TEX52: variants seen among roughly 807,000 people sequenced by gnomAD.
TEX52 encodes the protein testis expressed 52.
TEX52 carries 22 observed loss-of-function variants against 17.6 expected under a neutral mutation model. That is an observed-to-expected ratio of 1.25 (90% CI 0.89 to 1.78). The LOEUF (loss-of-function observed/expected upper bound fraction) is 1.78. TEX52 is among the 40% of genes most tolerant of loss of function. The pLI is 0.00. For synonymous variants in TEX52, 168 were observed against 147.4 expected, an observed-to-expected ratio of 1.14 and a Z score of -1.01; for missense variants, 396 against 372.3, an observed-to-expected ratio of 1.06 and a Z score of -0.52.
intron 1 of TEX52, among the ~76,000 whole-genome samples, chr12:2,855,832 C>G (rs1360768752): frequency 1.3e-5 from 2 of 152,114 alleles, no homozygotes; most frequent in Non-Finnish European, 2.9e-5. Context: ...GGAAATGCTC[C>G]CTACCATGCC....
At chr12:2,854,800 A>C in intron 2 of TEX52, 96 bp downstream of exon 2, 1 of 1,270,124 alleles carries the variant, frequency 7.9e-7, no homozygotes, top group Non-Finnish European at 1.1e-6. Context: ...AGAGCGGGGA[A>C]GGACAGAGTC....
At chr12:2,854,165 G>A (rs746903189) in intron 2 of TEX52, among the ~76,000 whole-genome samples, 11 of 152,036 alleles carry the variant, frequency 7.2e-5, no homozygotes, top group Admixed American at 1.3e-4. Context: ...AGCTGGGATT[G>A]CAGGCACCCA....
intron 2 of TEX52, among the ~76,000 whole-genome samples, chr12:2,853,430 G>A (rs1025791571): frequency 1.4e-4 from 21 of 152,026 alleles, no homozygotes; most frequent in Non-Finnish European, 2.6e-4. Context: ...CTGCCACCAC[G>A]CCCAGCTAAT....
At chr12:2,854,798 G>T in intron 2 of TEX52, 98 bp downstream of exon 2, 1 of 1,266,614 alleles carries the variant, frequency 7.9e-7, no homozygotes, top group Non-Finnish European at 1.1e-6. Context: ...CCAGAGCGGG[G>T]AAGGACAGAG....
intron 2 of TEX52, among the ~76,000 whole-genome samples, chr12:2,850,591 G>T (rs1301000889): frequency 6.6e-6 from 1 of 152,022 alleles, no homozygotes; most frequent in Non-Finnish European, 1.5e-5. Context: ...TATGTCTGAA[G>T]TCCTCTGGGT....
At position 2,849,464 on chromosome 12, in the gene TEX52, G is replaced by T; in HGVS notation, c.685C>A (p.Pro229Thr). The T allele has an allele frequency of 2.0e-6, 3 of 1,536,182 alleles. No homozygotes were observed. Among genetic ancestry groups the T allele is most frequent in the Non-Finnish European group, 2.6e-6 (3 of 1,146,938 alleles). ...CTCCTGGCGAAATTATTGGGAAACG[G>T]GTTGGGCATGAGCTGGAGGCCCTGG... ...EPQGLQLMPN[P>T]FPNNFARSWP... The change falls in exon 3 of 3, where the codon CCG becomes ACG. Residue 229 changes from proline (P) to threonine (T), a missense_variant. Physicochemically the swap from Pro to Thr is conservative, Grantham distance 38. Coordinates refer to ENST00000637658, the MANE Select transcript of TEX52 (RefSeq NM_001365174.2).
intron 2 of TEX52, among the ~76,000 whole-genome samples, chr12:2,854,002 G>T (rs1470372627): frequency 2.6e-5 from 4 of 152,134 alleles, no homozygotes; most frequent in African/African-American, 9.7e-5. Context: ...CTGAATTTCT[G>T]TAACGACATC....
chr12:2,849,819 C>G (rs2098064356), intron 2 of TEX52, among the ~76,000 whole-genome samples: 1 of 152,212 alleles, frequency 6.6e-6, no homozygotes, highest in African/African-American at 2.4e-5. Context: ...AATCCAGATT[C>G]TAACTGTCCT....
chr12:2,849,286 G>T lies in TEX52; in HGVS notation c.863C>A (p.Ala288Glu). ...TALPLHHLSK[A>E]QASKSPARKR... Reference sequence around the variant, plus strand: ...CCTTGCTGGGGATTTGCTTGCTTGTGCCTTGGAGAGATGGTGGAGGGGTAA... The same window carrying T: ...CCTTGCTGGGGATTTGCTTGCTTGTTCCTTGGAGAGATGGTGGAGGGGTAA... The change falls in exon 3 of 3, where the codon GCA becomes GAA. Residue 288 changes from alanine (A) to glutamate (E), a missense_variant. Coordinates refer to ENST00000637658, the MANE Select transcript of TEX52 (RefSeq NM_001365174.2). 2 of 1,536,144 alleles carry T rather than the reference G, an allele frequency of 1.3e-6. No homozygotes were observed. The highest frequency in any genetic ancestry group is 2.7e-5 in the African/African-American group (2 of 73,164).
chr12:2,848,911 ACT>A (rs1491074880), downstream of TEX52: 1 of 357,284 alleles, frequency 2.8e-6, no homozygotes, highest in African/African-American at 2.2e-5. Context: ...ACACACACAC[ACT>A]CCTTCCTTCC....
intron 2 of TEX52, among the ~76,000 whole-genome samples, chr12:2,852,319 C>T (rs1346935221): frequency 2.0e-5 from 3 of 152,160 alleles, no homozygotes; most frequent in Admixed American, 6.5e-5. Context: ...GTATGCTAGG[C>T]CCTGTGCCAT....
At chr12:2,847,810 G>T (rs1321226770), downstream of TEX52, among the ~76,000 whole-genome samples, 3 of 152,154 alleles carry the variant, frequency 2.0e-5, no homozygotes, top group African/African-American at 7.2e-5. Flanking sequence ...CAATATGTGT[G>T]TGGCCTTTTG....
Position 2,855,371 on chromosome 12 carries a change from A to G in TEX52, c.148T>C (p.Trp50Arg). ...TGCCGGGTGAAGCCAGGGAACTCCC[A>G]GGACTCGCTGGGGAGGAAGAACTCA... ...QREFFLPSES[W>R]EFPGFTRQAY... The change falls in exon 2 of 3, where the codon TGG (tryptophan) becomes CGG (arginine). Residue 50 changes from tryptophan to arginine, a missense_variant. Physicochemically the swap from Trp to Arg is moderately radical, Grantham distance 101. Transcript: ENST00000637658. 7.8e-7 allele frequency: 1 copy of G among 1,276,066 alleles called. No individual in the cohort carries two copies. The highest frequency in any genetic ancestry group is 5.9e-5 in the East Asian group (1 of 17,040). The allele number at this position is 1,276,066 out of a possible 1,614,324, so 79.0% of individuals were successfully genotyped here. A position where few individuals can be genotyped will look rare whatever the true frequency, so the allele number is the denominator to read the frequency against.
chr12:2,854,812 C>T (rs780974878), intron 2 of TEX52, 84 bp downstream of exon 2: 78 of 1,367,878 alleles, frequency 5.7e-5, no homozygotes, highest in Non-Finnish European at 6.8e-5. Context: ...GACAGAGTCC[C>T]GGTTAGAAAC....
At chr12:2,856,881 G>A (rs1420935857) in intron 1 of TEX52, 74 bp downstream of exon 1, 4 of 699,100 alleles carry the variant, frequency 5.7e-6, no homozygotes, top group African/African-American at 3.5e-5. Flanking sequence ...AAGAAAGCCT[G>A]GCCCACTATA....
At chr12:2,851,734 A>C (rs921180533) in intron 2 of TEX52, among the ~76,000 whole-genome samples, 5 of 151,402 alleles carry the variant, frequency 3.3e-5, no homozygotes, top group Non-Finnish European at 5.9e-5. Context: ...GCTGGAATGC[A>C]GTGGCGTGAT....
chr12:2,853,361 C>G (rs550773709), intron 2 of TEX52, among the ~76,000 whole-genome samples: 1 of 152,254 alleles, frequency 6.6e-6, no homozygotes, highest in Admixed American at 6.5e-5. Flanking sequence ...CAACCTCCAC[C>G]TCCCGGGTTC....
chr12:2,848,873 A>ACG (rs1244689030), downstream of TEX52, among the ~76,000 whole-genome samples: 3 of 114,140 alleles, frequency 2.6e-5, no homozygotes, highest in African/African-American at 3.7e-5. Flanking sequence ...ACAGACACAC[A>ACG]CACGCACACA....
rs1001382970 is a variant in TEX52, at chr12:2,849,368, G to T, written c.781C>A (p.Pro261Thr). 3.6e-5 allele frequency: 56 copies of T among 1,536,066 alleles called. 1 individual carries two copies. Among genetic ancestry groups the T allele is most frequent in the Middle Eastern group, 3.3e-4 (2 of 6,012 alleles). Residue 261 changes from proline to threonine, a missense_variant, in exon 3 of 3, where the codon CCC becomes ACC. Coordinates refer to ENST00000637658, the MANE Select transcript of TEX52 (RefSeq NM_001365174.2). ...TCCCTTATGAGGTCCTGGCTCAGGG[G>T]CGCGCTGGGCAGCAAGGCCAGCTTT... ...VLKLALLPSAPLSQDLIRDFQ... is the reference protein window; with the variant it reads ...VLKLALLPSATLSQDLIRDFQ...
Sources: allele counts gnomAD v4.1 joint callset (sites outside exome capture counted in the v4.1 genomes callset), GRCh38; gene constraint gnomAD v4.1.1; transcripts MANE v1.5; gene names NCBI Gene and HGNC (gene_info 2026-07-23, HGNC 2026-07-21).